CYP3A4: variants seen among roughly 807,000 people sequenced by gnomAD.
CYP3A4 encodes cytochrome P450 family 3 subfamily A member 4.
CYP3A4 carries 41 observed loss-of-function variants against 54.9 expected under a neutral mutation model. That is an observed-to-expected ratio of 0.75 (90% CI 0.58 to 0.97). CYP3A4 has a LOEUF of 0.97. Ranked by LOEUF, CYP3A4 falls within the 50% of genes least tolerant of loss-of-function variation. The pLI, the probability that CYP3A4 is intolerant of heterozygous loss-of-function variation, is 0.00. For missense variants in CYP3A4, 510 were observed against 597.3 expected, an observed-to-expected ratio of 0.85 and a Z score of 1.52; for synonymous variants, 179 against 205.2, an observed-to-expected ratio of 0.87 and a Z score of 1.09.
At chr7:99,771,633 A>G (rs1196287001) in intron 4 of CYP3A4, among the ~76,000 whole-genome samples, 1 of 152,222 alleles carries the variant, frequency 6.6e-6, no homozygotes, top group African/African-American at 2.4e-5. Flanking sequence ...ATGGAAAAGC[A>G]GAGGACCAGG....
intron 11 of CYP3A4, 139 bp from the exon 12 acceptor site, chr7:99,761,120 G>A (rs1344457718): frequency 3.2e-6 from 3 of 928,186 alleles, no homozygotes; most frequent in Non-Finnish European, 4.8e-6. Flanking sequence ...TTGAAATCCT[G>A]CTATGCTTAT....
At chr7:99,766,830 C>A in intron 8 of CYP3A4, 1 of 351,390 alleles carries the variant, frequency 2.8e-6, no homozygotes, top group Non-Finnish European at 5.1e-6. Context: ...TATCCTCTGA[C>A]AATTTATTGA....
At chr7:99,779,962 A>C (rs1685640645) in intron 2 of CYP3A4, 30 bp downstream of exon 2, 1 of 1,589,574 alleles carries the variant, frequency 6.3e-7, no homozygotes, top group Non-Finnish European at 8.6e-7. Context: ...CAATCATAAG[A>C]AGCAAAAGAG....
intron 3 of CYP3A4, among the ~76,000 whole-genome samples, chr7:99,777,135 G>A (rs1213887577): frequency 2.0e-5 from 3 of 152,074 alleles, no homozygotes; most frequent in Non-Finnish European, 4.4e-5. Flanking sequence ...AAGTCTAAAT[G>A]AAAGAGTTTT....
At chr7:99,772,356 C>G (rs549452402) in intron 4 of CYP3A4, among the ~76,000 whole-genome samples, 1 of 152,138 alleles carries the variant, frequency 6.6e-6, no homozygotes, top group African/African-American at 2.4e-5. Flanking sequence ...CTGGTGAAAT[C>G]TGAATAAGCT....
At chr7:99,772,762 A>T in intron 3 of CYP3A4, 73 bp from the exon 4 acceptor site, 1 of 1,499,416 alleles carries the variant, frequency 6.7e-7, no homozygotes, top group Non-Finnish European at 9.2e-7. Context: ...CCAGGAAGCC[A>T]GACTTTGATC....
In CYP3A4 at chr7:99,777,551, A is replaced by G. The variant is rs1191427743; in HGVS notation, c.218+477T>C. 7.2e-5 allele frequency among the ~76,000 whole-genome samples: 11 copies of G among 151,846 alleles called. No homozygotes were observed. In the East Asian group the frequency reaches 1.9e-3, roughly 27 times the overall value. ...CCTGACAAATAAATCAAAGAAGGCT[A>G]TGAAGAGAGGATTCTCATGCTTGTG... On this transcript the variant is annotated intron_variant, in intron 3 of 12. Transcript: ENST00000651514.
chr7:99,779,956 CA>C (rs749095316), intron 2 of CYP3A4, 35 bp downstream of exon 2: 3 of 1,582,006 alleles, frequency 1.9e-6, no homozygotes, highest in Non-Finnish European at 2.6e-6. Flanking sequence ...TCTTGGCAAT[CA>C]TAAGAAGCAA....
At chr7:99,762,473 G>A (rs34047379) in intron 10 of CYP3A4, among the ~76,000 whole-genome samples, 272 of 152,038 alleles carry the variant, frequency 1.8e-3, no homozygotes, top group Non-Finnish European at 3.0e-3. Flanking sequence ...TTATGAAGGT[G>A]GGAAGCATTC....
At chr7:99,760,792 C>T in intron 12 of CYP3A4, 27 bp downstream of exon 12, 1 of 1,609,830 alleles carries the variant, frequency 6.2e-7, no homozygotes, top group African/African-American at 1.3e-5. Context: ...ATTAATACAA[C>T]ATTATTTTTA....
chr7:99,782,454 G>A (rs1815951936), intron 1 of CYP3A4, among the ~76,000 whole-genome samples: 1 of 152,064 alleles, frequency 6.6e-6, no homozygotes. Flanking sequence ...CTGACTCCTG[G>A]GCTGCATCAG....
At chr7:99,767,309 C>T in intron 7 of CYP3A4, 51 bp from the exon 8 acceptor site, 1 of 1,500,240 alleles carries the variant, frequency 6.7e-7, no homozygotes, top group Non-Finnish European at 8.9e-7. Flanking sequence ...TGTGAATGTG[C>T]AAAATTTACC....
chr7:99,758,352 T>G (rs3735451), intron 12 of CYP3A4, 124 bp from the exon 13 acceptor site: 31 of 1,178,462 alleles, frequency 2.6e-5, no homozygotes, highest in Middle Eastern at 2.8e-4. Context: ...TTCTGATCTC[T>G]ATGGAGTAAT....
intron 8 of CYP3A4, 59 bp downstream of exon 8, chr7:99,767,072 T>C: frequency 1.3e-6 from 2 of 1,517,892 alleles, no homozygotes; most frequent in Non-Finnish European, 1.8e-6. Context: ...ATCATATGTA[T>C]ATTATCTAAA....
At position 99,770,179 on chromosome 7, in the gene CYP3A4, T is replaced by G. The variant is rs1815592239; in HGVS notation, c.375A>C (p.Glu125Asp). Residue 125 changes from glutamate (E) to aspartate (D), a missense_variant, in exon 5 of 13, where the codon GAA (glutamate) becomes GAC (aspartate). Glu to Asp is a conservative substitution (Grantham distance 45). Coordinates refer to ENST00000651514, the MANE Select transcript of CYP3A4 (RefSeq NM_017460.6). ...ACAGCAATGATCGTAATCTCTTCCATTCTTCATCCTCAGCTATAGAGATGG... is the reference window on the plus strand; with the variant it reads ...ACAGCAATGATCGTAATCTCTTCCAGTCTTCATCCTCAGCTATAGAGATGG... ...KSAISIAEDE[E>D]WKRLRSLLSP... is the part of the protein sequence containing the mutation. 6 of 1,613,868 alleles carry G rather than the reference T, an allele frequency of 3.7e-6. No individual in the cohort carries two copies. In the East Asian group the frequency reaches 1.3e-4, roughly 36 times the overall value.
chr7:99,775,976 G>T (rs1045046214), intron 3 of CYP3A4, among the ~76,000 whole-genome samples: 3 of 152,022 alleles, frequency 2.0e-5, no homozygotes, highest in Non-Finnish European at 4.4e-5. Flanking sequence ...AATCTACAAA[G>T]AACTTAAACA....
intron 4 of CYP3A4, 89 bp from the exon 5 acceptor site, chr7:99,770,324 C>T: frequency 1.8e-6 from 2 of 1,119,584 alleles, no homozygotes. Context: ...AACACTTATT[C>T]AACAACTATT....
At position 99,764,698 on chromosome 7, in the gene CYP3A4, C is replaced by T. The variant is rs546251174; in HGVS notation, c.866-683G>A. 3.3e-5 allele frequency among the ~76,000 whole-genome samples: 5 copies of T among 152,282 alleles called. No homozygotes were observed. In the South Asian group the frequency reaches 1.0e-3, roughly 32 times the overall value. On this transcript the variant is annotated intron_variant, in intron 9 of 12. Coordinates refer to ENST00000651514, the MANE Select transcript of CYP3A4 (RefSeq NM_017460.6). Reference sequence around the variant, plus strand: ...TGTGTGCATAGCCTAGCTTGAGAAGCACGGATTATATCTTTGAGAGGCATC... The same window carrying T: ...TGTGTGCATAGCCTAGCTTGAGAAGTACGGATTATATCTTTGAGAGGCATC...
At chr7:99,760,585 G>C (rs1478870679) in intron 12 of CYP3A4, among the ~76,000 whole-genome samples, 1 of 152,182 alleles carries the variant, frequency 6.6e-6, no homozygotes, top group Non-Finnish European at 1.5e-5. Flanking sequence ...CAAGGAGACT[G>C]CAGATAATTA....
Sources: allele counts gnomAD v4.1 joint callset (sites outside exome capture counted in the v4.1 genomes callset), GRCh38; gene constraint gnomAD v4.1.1; transcripts MANE v1.5; gene names NCBI Gene and HGNC (gene_info 2026-07-23, HGNC 2026-07-21).